Variants in UGT2B17 observed in about 807,000 individuals in gnomAD.
UGT2B17 encodes the protein UDP-glucuronosyltransferase 2B17.
In UGT2B17, 21 loss-of-function variants were observed where a neutral mutation model predicts 48.2. The observed-to-expected ratio is 0.44, with a 90% CI of 0.31 to 0.63. UGT2B17 has a LOEUF of 0.63. UGT2B17 is among the 20% of genes least tolerant of loss of function. The probability of loss-of-function intolerance (pLI) is 0.08; values close to 1 mark genes in which losing one functional copy is unlikely to be tolerated. For missense variants in UGT2B17, 402 were observed against 696.1 expected, an observed-to-expected ratio of 0.58 and a Z score of 4.75; for synonymous variants, 146 against 238.4, an observed-to-expected ratio of 0.61 and a Z score of 3.57.
In UGT2B17 at chr4:68,570,895, T is replaced by C. The variant is rs1731287551; in HGVS notation, c.-64-2347A>G. Among the ~76,000 whole-genome samples, 2 of 126,616 alleles carry C rather than the reference T, an allele frequency of 1.6e-5. 1 individual carries two copies. Among genetic ancestry groups the C allele is most frequent in the Non-Finnish European group, 3.3e-5 (2 of 59,736 alleles). The allele number at this position is 126,616 out of a possible 152,430, so 83.1% of individuals were successfully genotyped here. ...CAGTTTTGTCATATTTTTAACTATG[T>C]CTTTAATAACTTGCCTGATTATCTA... On this transcript the variant is annotated intron_variant, in intron 1 of 6. Transcript: ENST00000317746.
rs1035943121 is a variant in UGT2B17 at position 68,540,229 on chromosome 4, T to C, written c.1314-2325A>G. Among the ~76,000 whole-genome samples the C allele has an allele frequency of 8.6e-5, 11 of 127,446 alleles. 3 individuals are homozygous for C. The highest frequency in any genetic ancestry group is 2.9e-4 in the African/African-American group (11 of 37,322). The allele number at this position is 127,446 out of a possible 152,430, so 83.6% of individuals were successfully genotyped here. On this transcript the variant is annotated intron_variant, in intron 6 of 6. Coordinates refer to ENST00000317746, the MANE Select transcript of UGT2B17 (RefSeq NM_001077.4). ...ACATAGGTTACATTTAATTGTGTAC[T>C]TCAAATGTTTTATCTCCTTAAATAA...
At position 68,560,468 on chromosome 4, in the gene UGT2B17, G is replaced by T. The variant is rs564830206; in HGVS notation, c.1005+69C>A. The T allele has an allele frequency of 8.4e-5, 59 of 702,170 alleles. 7 individuals are homozygous for T. Among genetic ancestry groups the T allele is most frequent in the Admixed American group, 5.7e-4 (20 of 34,852 alleles). 43.5% of individuals were successfully genotyped at this position (702,170 alleles called of 1,614,324 possible). A position where few individuals can be genotyped will look rare whatever the true frequency, so the allele number is the denominator to read the frequency against. The stretch of plus-strand genomic sequence containing the variant: ...TTAAATTTTCAGGCAGAACATTTCT[G>T]TAATGGACTCTTGAAGAGTTTAACA... On this transcript the variant is annotated intron_variant, in intron 4 of 6. Coordinates refer to ENST00000317746, the MANE Select transcript of UGT2B17 (RefSeq NM_001077.4).
rs1297200512 is a variant in UGT2B17 at position 68,574,924 on chromosome 4, T to G, written c.-65+1027A>C. 2.6e-5 allele frequency among the ~76,000 whole-genome samples: 3 copies of G among 113,980 alleles called. 1 individual carries two copies. Among genetic ancestry groups the G allele is most frequent in the African/African-American group, 9.0e-5 (3 of 33,218 alleles). 74.8% of individuals were successfully genotyped at this position (113,980 alleles called of 152,430 possible). On this transcript the variant is annotated intron_variant, in intron 1 of 6. Transcript: ENST00000317746. Reference sequence around the variant, plus strand: ...GACAAGAATTTACCATATAACACTCTTTTTACATAAATTTTACCTCCTCCC... The same window carrying G: ...GACAAGAATTTACCATATAACACTCGTTTTACATAAATTTTACCTCCTCCC...
At chr4:68,538,244 T>TA (rs1730590457) in intron 6 of UGT2B17, among the ~76,000 whole-genome samples, 2 of 18,244 alleles carry the variant, frequency 1.1e-4, no homozygotes, top group African/African-American at 1.4e-4. Flanking sequence ...TTTTTAGTTT[T>TA]TTTTTTTTTT....
In UGT2B17 at chr4:68,559,438, A is replaced by T. The variant is rs373546895; in HGVS notation, c.1005+1099T>A. On this transcript the variant is annotated intron_variant, in intron 4 of 6. Coordinates refer to ENST00000317746, the MANE Select transcript of UGT2B17 (RefSeq NM_001077.4). Reference sequence around the variant, plus strand: ...ATCTTTCACACTTAGATGATGCACTACCTAGCATTGACAGCCTTGATATAT... The same window carrying T: ...ATCTTTCACACTTAGATGATGCACTTCCTAGCATTGACAGCCTTGATATAT... Among the ~76,000 whole-genome samples the T allele has an allele frequency of 1.2e-4, 15 of 126,222 alleles. 5 individuals are homozygous for T. The East Asian group carries it at 6.8e-3, about 57-fold the overall frequency. The allele number at this position is 126,222 out of a possible 152,430, so 82.8% of individuals were successfully genotyped here.
At position 68,568,468 on chromosome 4, in the gene UGT2B17, A is replaced by T. The variant is rs141579507; in HGVS notation, c.17T>A (p.Met6Lys). ...GAGCTGCATCAGCAGAAAGACTGAC[A>T]TCCATTTCAGAGACATCCTGGTCTT... MSLKW[M>K]SVFLLMQLSC... Residue 6 changes from methionine to lysine, a missense_variant, in exon 2 of 7, where the codon ATG becomes AAG. By Grantham distance (95) the Met-to-Lys change is moderately conservative. Transcript: ENST00000317746. The T allele has an allele frequency of 4.5e-4, 609 of 1,356,068 alleles. 137 individuals are homozygous for T. The highest frequency in any genetic ancestry group is 5.3e-4 in the Non-Finnish European group (559 of 1,048,474). 84.0% of individuals were successfully genotyped at this position (1,356,068 alleles called of 1,614,324 possible).
In UGT2B17 at chr4:68,542,957, G is replaced by T. The variant is rs531674722; in HGVS notation, c.1314-5053C>A. On this transcript the variant is annotated intron_variant, in intron 6 of 6. Coordinates refer to ENST00000317746, the MANE Select transcript of UGT2B17 (RefSeq NM_001077.4). ...AAAGCGGCCCAGAAGCTTGAACTGG[G>T]TGGAGCCCACCGCAGCTCAAGGACG... 2.2e-3 allele frequency among the ~76,000 whole-genome samples: 275 copies of T among 126,622 alleles called. 69 individuals carry two copies. Among genetic ancestry groups the T allele is most frequent in the Admixed American group, 0.015 (188 of 12,458 alleles). The allele number at this position is 126,622 out of a possible 152,430, so 83.1% of individuals were successfully genotyped here. A position where few individuals can be genotyped will look rare whatever the true frequency, so the allele number is the denominator to read the frequency against.
intron 6 of UGT2B17, among the ~76,000 whole-genome samples, chr4:68,543,704 C>T (rs1168744779): frequency 8.1e-6 from 1 of 123,598 alleles, no homozygotes; most frequent in Non-Finnish European, 1.7e-5. Flanking sequence ...AGATGAATGG[C>T]TAACTAGATA....
In UGT2B17 at chr4:68,567,906, G is replaced by T. The variant is rs757587411; in HGVS notation, c.579C>A (p.Ser193=). 6 of 1,379,766 alleles carry T rather than the reference G, an allele frequency of 4.3e-6. 3 individuals carry two copies. In the South Asian group the frequency reaches 9.7e-5, roughly 22 times the overall value. 85.5% of individuals were successfully genotyped at this position (1,379,766 alleles called of 1,614,324 possible). The change falls in exon 2 of 7, where the codon TCC becomes TCA. Residue 193 remains serine, a synonymous_variant. Transcript: ENST00000317746. ...KNGGGFLFPP[S]YVPVVMSELS... is the part of the protein sequence containing the mutation. The stretch of plus-strand genomic sequence containing the variant: ...ATTCTGACATAACAACAGGTACATA[G>T]GAAGGAGGGAACAGAAATCCTCCAC...
intron 2 of UGT2B17, among the ~76,000 whole-genome samples, chr4:68,567,557 TCC>T (rs1731221638): frequency 8.0e-6 from 1 of 125,592 alleles, no homozygotes; most frequent in Admixed American, 8.2e-5. Context: ...TCTCTTGGTG[TCC>T]TATAGCAGTG....
intron 1 of UGT2B17, among the ~76,000 whole-genome samples, chr4:68,570,088 C>G (rs1023472765): frequency 4.0e-5 from 5 of 126,376 alleles, no homozygotes; most frequent in African/African-American, 1.4e-4. Flanking sequence ...GCAGGATGAG[C>G]CACAGACAAA....
At position 68,561,293 on chromosome 4, in the gene UGT2B17, C is replaced by A. The variant is rs962621998; in HGVS notation, c.874-625G>T. Reference sequence around the variant, plus strand: ...CCCTCACTTCCCCCGACACCCCCACCCCCAAAAAACACCTTAAAAGCTGAA... The same window carrying A: ...CCCTCACTTCCCCCGACACCCCCACACCCAAAAAACACCTTAAAAGCTGAA... On this transcript the variant is annotated intron_variant, in intron 3 of 6. Transcript: ENST00000317746. Among the ~76,000 whole-genome samples, 19 of 121,158 alleles carry A rather than the reference C, an allele frequency of 1.6e-4. 5 individuals carry two copies. The Admixed American group carries it at 1.7e-3, about 11-fold the overall frequency. The allele number at this position is 121,158 out of a possible 152,430, so 79.5% of individuals were successfully genotyped here. A position where few individuals can be genotyped will look rare whatever the true frequency, so the allele number is the denominator to read the frequency against.
chr4:68,537,470 T>C lies in UGT2B17; in HGVS notation c.*155A>G. On this transcript the variant is annotated 3_prime_UTR_variant, in exon 7 of 7. Coordinates refer to ENST00000317746, the MANE Select transcript of UGT2B17 (RefSeq NM_001077.4). The stretch of plus-strand genomic sequence containing the variant: ...AGAATAATTCCAACTAAAGTACATA[T>C]TAAATTCCTGGAAAATAAATTTTGA... 4.7e-6 allele frequency: 3 copies of C among 645,090 alleles called. No individual in the cohort carries two copies. The highest frequency in any genetic ancestry group is 6.4e-6 in the Non-Finnish European group (3 of 469,436). 40.0% of individuals were successfully genotyped at this position (645,090 alleles called of 1,614,324 possible). A position where few individuals can be genotyped will look rare whatever the true frequency, so the allele number is the denominator to read the frequency against.
chr4:68,563,239 A>C (rs1215412679), intron 3 of UGT2B17, among the ~76,000 whole-genome samples: 2 of 127,398 alleles, frequency 1.6e-5, no homozygotes. Context: ...GGCAACAATT[A>C]TTTTGTGTAC....
chr4:68,567,894 A>C lies in UGT2B17; in HGVS notation c.591T>G (p.Val197=). The C allele has an allele frequency of 7.2e-7, 1 of 1,379,732 alleles. No individual in the cohort carries two copies. The highest frequency in any genetic ancestry group is 9.5e-7 in the Non-Finnish European group (1 of 1,054,742). The allele number at this position is 1,379,732 out of a possible 1,614,324, so 85.5% of individuals were successfully genotyped here. ...TTTGATCACTTAATTCTGACATAAC[A>C]ACAGGTACATAGGAAGGAGGGAACA... ...GFLFPPSYVP[V]VMSELSDQMI... The change falls in exon 2 of 7, where the codon GTT becomes GTG. Residue 197 remains valine (V), a synonymous_variant. Coordinates refer to ENST00000317746, the MANE Select transcript of UGT2B17 (RefSeq NM_001077.4).
In UGT2B17 at chr4:68,544,308, C is replaced by T. The variant is rs1284404931; in HGVS notation, c.1313+6369G>A. Among the ~76,000 whole-genome samples, 2 of 126,068 alleles carry T rather than the reference C, an allele frequency of 1.6e-5. 1 individual carries two copies. The highest frequency in any genetic ancestry group is 3.4e-5 in the Non-Finnish European group (2 of 59,580). 82.7% of individuals were successfully genotyped at this position (126,068 alleles called of 152,430 possible). On this transcript the variant is annotated intron_variant, in intron 6 of 6. Coordinates refer to ENST00000317746, the MANE Select transcript of UGT2B17 (RefSeq NM_001077.4). Reference sequence around the variant, plus strand: ...TTCTTAAAGAAAAGAATCTTCAACCCAGAATTTCATATCCAGCCAAACTAA... The same window carrying T: ...TTCTTAAAGAAAAGAATCTTCAACCTAGAATTTCATATCCAGCCAAACTAA...
intron 1 of UGT2B17, among the ~76,000 whole-genome samples, chr4:68,572,195 A>G (rs1349239208): frequency 7.9e-6 from 1 of 126,466 alleles, no homozygotes; most frequent in African/African-American, 2.7e-5. Context: ...TTTAATTTAG[A>G]GAATCACATC....
Position 68,557,167 on chromosome 4 carries a change from GTTA to G in UGT2B17, c.1005+3367_1005+3369del. ...TACATTATCAGTAATAATTATATTT[GTTA>G]TGTTAAGTTATTGTGTGCCACAGAG... is the stretch of plus-strand genomic sequence containing the variant. On this transcript the variant is annotated intron_variant, in intron 4 of 6. Transcript: ENST00000317746. 7.2e-5 allele frequency among the ~76,000 whole-genome samples: 9 copies of G among 124,308 alleles called. 2 individuals are homozygous for G. The highest frequency in any genetic ancestry group is 1.4e-4 in the Non-Finnish European group (8 of 58,884). The allele number at this position is 124,308 out of a possible 152,430, so 81.6% of individuals were successfully genotyped here. A position where few individuals can be genotyped will look rare whatever the true frequency, so the allele number is the denominator to read the frequency against.
intron 3 of UGT2B17, among the ~76,000 whole-genome samples, chr4:68,563,421 C>T (rs1369691409): frequency 7.9e-6 from 1 of 126,248 alleles, no homozygotes; most frequent in Non-Finnish European, 1.7e-5. Context: ...ACCAGCCTGG[C>T]CAACATGGCG....
Sources: gnomAD v4.1 joint callset for allele counts (sites outside exome capture counted in the v4.1 genomes callset) on GRCh38, gnomAD v4.1.1 for gene constraint, MANE v1.5 for transcripts, NCBI Gene and HGNC (gene_info 2026-07-23, HGNC 2026-07-21) for gene names.